ROBO2: variants seen among roughly 807,000 people sequenced by gnomAD.
ROBO2 encodes the protein roundabout guidance receptor 2.
Under a neutral mutation model 160.8 loss-of-function variants are expected in ROBO2, and 53 were observed. That is an observed-to-expected ratio of 0.33 (90% CI 0.26 to 0.41). ROBO2 has a LOEUF of 0.41. Ranked by LOEUF, ROBO2 falls within the 10% of genes least tolerant of loss-of-function variation. The pLI, the probability that ROBO2 is intolerant of heterozygous loss-of-function variation, is 1.00. For missense variants in ROBO2, 1,577 were observed against 1,722.4 expected (o/e 0.92, Z 1.49); for synonymous variants, 664 against 611.7 (o/e 1.09, Z -1.26).
chr3:77,353,264 G>T (rs887914333), intron 2 of ROBO2, among the ~76,000 whole-genome samples: 22 of 152,046 alleles, frequency 1.4e-4, no homozygotes, highest in African/African-American at 5.3e-4. Context: ...AAACATTTGG[G>T]GTGCTGTCAA....
At chr3:76,825,232 A>G (rs1202051300) in intron 2 of ROBO2, among the ~76,000 whole-genome samples, 1 of 152,178 alleles carries the variant, frequency 6.6e-6, no homozygotes, top group Non-Finnish European at 1.5e-5. Flanking sequence ...CAGTGTCATT[A>G]AACAGGACAA....
intron 2 of ROBO2, among the ~76,000 whole-genome samples, chr3:77,133,547 A>G (rs550267771): frequency 2.0e-4 from 31 of 151,844 alleles, no homozygotes; most frequent in African/African-American, 7.5e-4. Flanking sequence ...ATGTGGATGT[A>G]AAGAACTGTG....
chr3:76,596,705 C>G (rs1425889808), intron 2 of ROBO2, among the ~76,000 whole-genome samples: 2 of 152,112 alleles, frequency 1.3e-5, no homozygotes, highest in African/African-American at 4.8e-5. Context: ...GGTCTGATGT[C>G]TCTTAGCCCT....
At position 76,878,639 on chromosome 3, in the gene ROBO2, C is replaced by T. The variant is rs372191646; in HGVS notation, c.110-219375C>T. Among the ~76,000 whole-genome samples, 4 of 152,012 alleles carry T rather than the reference C, an allele frequency of 2.6e-5. No homozygotes were observed. The East Asian group carries it at 7.7e-4, about 29-fold the overall frequency. ...ACCAAGTAAATTTTTGCCAACTAGCCGTATTTTCTTTTCTCGTTTATTCAA... is the reference window on the plus strand; with the variant it reads ...ACCAAGTAAATTTTTGCCAACTAGCTGTATTTTCTTTTCTCGTTTATTCAA... On this transcript the variant is annotated intron_variant, in intron 2 of 26. Coordinates refer to the ROBO2 transcript ENST00000487694.
chr3:76,484,063 T>C (rs6777700), intron 2 of ROBO2, among the ~76,000 whole-genome samples: 93,466 of 151,994 alleles, frequency 0.61, 29,051 homozygotes, highest in African/African-American at 0.7. Context: ...TGATTTACAT[T>C]CTTTTGGGTA....
intron 2 of ROBO2, among the ~76,000 whole-genome samples, chr3:76,294,009 G>A (rs1465818180): frequency 2.6e-5 from 4 of 152,092 alleles, no homozygotes; most frequent in East Asian, 3.9e-4. Context: ...GATGTTCATC[G>A]GCACCCAAAG....
At chr3:76,761,727 A>G (rs2608158) in intron 2 of ROBO2, among the ~76,000 whole-genome samples, 127,255 of 151,742 alleles carry the variant, frequency 0.84, 53,472 homozygotes, top group Admixed American at 0.86. Context: ...GTGACTTTGT[A>G]TAATGCAATA....
chr3:76,055,795 TG>T (rs1576659360), intron 2 of ROBO2, among the ~76,000 whole-genome samples: 1 of 152,216 alleles, frequency 6.6e-6, no homozygotes, highest in African/African-American at 2.4e-5. Context: ...AGTCTCGCTC[TG>T]TCGGCAGGCT....
intron 1 of ROBO2, among the ~76,000 whole-genome samples, chr3:77,055,021 G>A (rs2065599588): frequency 6.7e-6 from 1 of 150,100 alleles, no homozygotes; most frequent in South Asian, 2.1e-4. Context: ...GTCCCTACAT[G>A]TTAATTGTGG....
intron 2 of ROBO2, among the ~76,000 whole-genome samples, chr3:76,555,358 GAGAAGAAGAAGAAGAAGAAGAA>G (rs1408789726): frequency 2.4e-4 from 14 of 57,982 alleles, no homozygotes; most frequent in African/African-American, 6.7e-4. Flanking sequence ...AGTAGGAAGA[GAGAAGAAGAAGAAGAAGAAGAA>G]GAAGAAGAAG....
chr3:76,991,185 C>G (rs1329069449), intron 2 of ROBO2, among the ~76,000 whole-genome samples: 1 of 152,146 alleles, frequency 6.6e-6, no homozygotes, highest in East Asian at 1.9e-4. Context: ...ATTCTCTCTT[C>G]TGAGGAGGGA....
intron 2 of ROBO2, among the ~76,000 whole-genome samples, chr3:76,621,002 G>C (rs1188781958): frequency 6.6e-6 from 1 of 152,126 alleles, no homozygotes; most frequent in African/African-American, 2.4e-5. Context: ...TATGTGCACG[G>C]CTGACTCTGT....
chr3:77,418,415 A>G (rs1320005723), intron 2 of ROBO2, among the ~76,000 whole-genome samples: 1 of 152,154 alleles, frequency 6.6e-6, no homozygotes, highest in Non-Finnish European at 1.5e-5. Context: ...TAAGGTTTTT[A>G]AATTAATCAT....
At chr3:77,193,267 A>AGAT (rs2082025052) in intron 2 of ROBO2, among the ~76,000 whole-genome samples, 1 of 144,562 alleles carries the variant, frequency 6.9e-6, no homozygotes, top group African/African-American at 2.5e-5. Flanking sequence ...GATGGTCAAC[A>AGAT]GATAATTCAA....
chr3:76,169,775 T>C (rs568861537), intron 2 of ROBO2, among the ~76,000 whole-genome samples: 1 of 152,038 alleles, frequency 6.6e-6, no homozygotes, highest in Admixed American at 6.6e-5. Flanking sequence ...ATAGTTTCGT[T>C]ATTGTTAAGG....
chr3:77,258,636 AG>A (rs1386967501), intron 2 of ROBO2, among the ~76,000 whole-genome samples: 9 of 108,858 alleles, frequency 8.3e-5, no homozygotes, highest in African/African-American at 2.5e-4. Context: ...AAAAAAAAAA[AG>A]GAAGAAAAAA....
intron 2 of ROBO2, among the ~76,000 whole-genome samples, chr3:77,193,242 A>G (rs184035668): frequency 9.9e-4 from 151 of 151,832 alleles, no homozygotes; most frequent in South Asian, 3.3e-3. Flanking sequence ...TCTTGTTGGC[A>G]TGAGGACCTA....
At chr3:76,549,042 TC>T (rs916993834) in intron 2 of ROBO2, among the ~76,000 whole-genome samples, 2 of 152,180 alleles carry the variant, frequency 1.3e-5, no homozygotes, top group Non-Finnish European at 2.9e-5. Context: ...TTTTCAGAAT[TC>T]CCTGAAAAAG....
chr3:76,265,529 A>C (rs920294458), intron 2 of ROBO2, among the ~76,000 whole-genome samples: 1 of 152,142 alleles, frequency 6.6e-6, no homozygotes, highest in Non-Finnish European at 1.5e-5. Context: ...GTGTCAGAAA[A>C]ATCACTCAAC....
Sources: gnomAD v4.1 joint callset for allele counts (sites outside exome capture counted in the v4.1 genomes callset) on GRCh38, gnomAD v4.1.1 for gene constraint, MANE v1.5 for transcripts, NCBI Gene and HGNC (gene_info 2026-07-23, HGNC 2026-07-21) for gene names.